The following CCDC178 variants were observed in gnomAD, a reference collection of about 807,000 sequenced individuals.
CCDC178 encodes the protein coiled-coil domain-containing protein 178.
CCDC178 carries 126 observed loss-of-function variants against 117.4 expected under a neutral mutation model. The observed-to-expected ratio is 1.07, with a 90% CI of 0.93 to 1.24. The LOEUF (loss-of-function observed/expected upper bound fraction) is 1.24. CCDC178 is among the 50% of genes most tolerant of loss of function. The pLI is 0.00. For synonymous variants in CCDC178, 283 were observed against 313.4 expected, an observed-to-expected ratio of 0.90 and a Z score of 1.02; for missense variants, 1,030 against 986.9, an observed-to-expected ratio of 1.04 and a Z score of -0.59.
At chr18:33,171,822 T>C (rs16964322) in intron 20 of CCDC178, among the ~76,000 whole-genome samples, 5,063 of 152,310 alleles carry the variant, frequency 0.033, 262 homozygotes, top group African/African-American at 0.12. Context: ...TGGCAATGAA[T>C]TGAATTTGCT....
chr18:33,414,774 T>C (rs1400675733), intron 2 of CCDC178, among the ~76,000 whole-genome samples: 1 of 152,154 alleles, frequency 6.6e-6, no homozygotes, highest in Non-Finnish European at 1.5e-5. Context: ...ACCTACAGAA[T>C]GGGAGAAAAT....
intron 12 of CCDC178, among the ~76,000 whole-genome samples, chr18:33,290,953 T>C (rs2144866592): frequency 6.6e-6 from 1 of 152,262 alleles, no homozygotes; most frequent in East Asian, 1.9e-4. Flanking sequence ...AATTTCTTAT[T>C]AATTATGCAT....
chr18:33,258,427 A>G (rs371644884), intron 14 of CCDC178, among the ~76,000 whole-genome samples: 8 of 152,090 alleles, frequency 5.3e-5, no homozygotes, highest in African/African-American at 1.9e-4. Flanking sequence ...TTCCGGTCTC[A>G]ATTCCAATGT....
intron 20 of CCDC178, among the ~76,000 whole-genome samples, chr18:33,174,860 T>A (rs1394170328): frequency 6.6e-6 from 1 of 151,950 alleles, no homozygotes; most frequent in Non-Finnish European, 1.5e-5. Context: ...ATATTAGTAT[T>A]ATTATTATTT....
intron 14 of CCDC178, among the ~76,000 whole-genome samples, chr18:33,246,698 C>T (rs1008529894): frequency 4.0e-5 from 6 of 151,684 alleles, no homozygotes; most frequent in African/African-American, 9.7e-5. Flanking sequence ...GATGAGCGAC[C>T]AGTGCAAGGT....
intron 21 of CCDC178, among the ~76,000 whole-genome samples, chr18:33,059,137 T>G (rs1029692603): frequency 2.0e-5 from 3 of 152,150 alleles, no homozygotes; most frequent in African/African-American, 4.8e-5. Flanking sequence ...TGAAACATTT[T>G]CAGTCTGACT....
intron 20 of CCDC178, among the ~76,000 whole-genome samples, chr18:33,127,041 T>C (rs442456): frequency 5.4e-4 from 80 of 147,672 alleles, no homozygotes; most frequent in African/African-American, 1.8e-3. Context: ...CACACACACA[T>C]GGATCTTTGC....
At chr18:33,102,742 G>C (rs185741692) in intron 20 of CCDC178, among the ~76,000 whole-genome samples, 1 of 151,650 alleles carries the variant, frequency 6.6e-6, no homozygotes, top group Non-Finnish European at 1.5e-5. Context: ...TAACCATTTC[G>C]GGATGTATCT....
intron 2 of CCDC178, among the ~76,000 whole-genome samples, chr18:33,415,133 G>C (rs1568212140): frequency 6.6e-6 from 1 of 152,212 alleles, no homozygotes; most frequent in Non-Finnish European, 1.5e-5. Flanking sequence ...CATTGTGGAA[G>C]ATAGCGTGGT....
chr18:33,249,910 T>C (rs962210770), intron 14 of CCDC178, among the ~76,000 whole-genome samples: 5 of 152,064 alleles, frequency 3.3e-5, no homozygotes, highest in Non-Finnish European at 7.4e-5. Flanking sequence ...GCATGGAATG[T>C]TCTTCCATTT....
chr18:33,104,907 C>T (rs1233333287), intron 20 of CCDC178, among the ~76,000 whole-genome samples: 1 of 151,560 alleles, frequency 6.6e-6, no homozygotes, highest in Non-Finnish European at 1.5e-5. Flanking sequence ...TGTAAGTGTG[C>T]CATTGTAATA....
At chr18:33,021,359 T>C (rs1011518308) in intron 21 of CCDC178, among the ~76,000 whole-genome samples, 3 of 152,216 alleles carry the variant, frequency 2.0e-5, no homozygotes, top group Non-Finnish European at 4.4e-5. Flanking sequence ...TCATTGTTAC[T>C]GACTCTTTCA....
At chr18:33,302,823 A>T (rs1367992002) in intron 11 of CCDC178, among the ~76,000 whole-genome samples, 1 of 152,156 alleles carries the variant, frequency 6.6e-6, no homozygotes, top group African/African-American at 2.4e-5. Flanking sequence ...CTCAAAGAAG[A>T]AGTAAAAATT....
intron 4 of CCDC178, among the ~76,000 whole-genome samples, chr18:33,396,303 G>A (rs1029352345): frequency 1.3e-5 from 2 of 152,078 alleles, no homozygotes; most frequent in Non-Finnish European, 2.9e-5. Flanking sequence ...ATATTGTCAA[G>A]TGGTAGGAAA....
At chr18:33,372,552 A>C (rs2063313139) in intron 5 of CCDC178, among the ~76,000 whole-genome samples, 1 of 152,086 alleles carries the variant, frequency 6.6e-6, no homozygotes, top group Admixed American at 6.6e-5. Context: ...GTATATTAAG[A>C]ATTAAGCTCG....
At chr18:33,379,610 T>C (rs566531919) in intron 5 of CCDC178, among the ~76,000 whole-genome samples, 7 of 152,024 alleles carry the variant, frequency 4.6e-5, no homozygotes, top group Admixed American at 4.6e-4. Context: ...TACCCAGAGG[T>C]GTGCCTAGAC....
chr18:33,275,649 A>AAGGGG (rs1349502425), intron 12 of CCDC178, among the ~76,000 whole-genome samples: 4 of 65,950 alleles, frequency 6.1e-5, no homozygotes, highest in Non-Finnish European at 1.1e-4. Context: ...AAGGGTAGGA[A>AAGGGG]AGGGGAGGGG....
At chr18:33,387,969 A>G (rs991034868) in intron 5 of CCDC178, among the ~76,000 whole-genome samples, 23 of 152,188 alleles carry the variant, frequency 1.5e-4, no homozygotes, top group Admixed American at 1.2e-3. Flanking sequence ...CCATCTGACA[A>G]AGGTCTAATA....
At chr18:33,295,754 C>G (rs529948961) in intron 11 of CCDC178, among the ~76,000 whole-genome samples, 6 of 152,204 alleles carry the variant, frequency 3.9e-5, no homozygotes, top group African/African-American at 1.4e-4. Context: ...TACAAACTTA[C>G]TAGTCCAGGC....
Sources: allele counts gnomAD v4.1 joint callset (sites outside exome capture counted in the v4.1 genomes callset), GRCh38; gene constraint gnomAD v4.1.1; transcripts MANE v1.5; gene names NCBI Gene and HGNC (gene_info 2026-07-23, HGNC 2026-07-21).